The following CS variants were observed in gnomAD, a reference collection of about 807,000 sequenced individuals.
The protein encoded by CS is citrate synthase, mitochondrial.
In CS, 13 loss-of-function variants were observed where a neutral mutation model predicts 61.4. The observed-to-expected ratio is 0.21, with a 90% CI of 0.14 to 0.34. The LOEUF (loss-of-function observed/expected upper bound fraction) is 0.34, where lower values mean the gene tolerates loss of function less well. Ranked by LOEUF, CS falls within the 10% of genes least tolerant of loss-of-function variation. The pLI, the probability that CS is intolerant of heterozygous loss-of-function variation, is 1.00. For missense variants in CS, 278 were observed against 573.4 expected (o/e 0.48, Z 5.26); for synonymous variants, 159 against 215.2 (o/e 0.74, Z 2.29).
At chr12:56,288,115 C>G (rs2135920614) in intron 1 of CS, among the ~76,000 whole-genome samples, 1 of 152,252 alleles carries the variant, frequency 6.6e-6, no homozygotes, top group Non-Finnish European at 1.5e-5. Flanking sequence ...CTAATACTCA[C>G]CACACACCTC....
rs769337614 is a variant in CS at position 56,274,996 on chromosome 12, T to A, written c.918+6A>T. ...TGTAGCAGGAAAATAAAAAGAATAGTCTTACCTGATTTGCCAGTCCATGGA... is the reference window on the plus strand; with the variant it reads ...TGTAGCAGGAAAATAAAAAGAATAGACTTACCTGATTTGCCAGTCCATGGA... On this transcript the variant is annotated splice_donor_region_variant and intron_variant, in intron 8 of 10. Coordinates refer to ENST00000351328, the MANE Select transcript of CS (RefSeq NM_004077.3). 1 of 1,614,108 alleles carries A rather than the reference T, an allele frequency of 6.2e-7. No individual in the cohort carries two copies. The highest frequency in any genetic ancestry group is 2.2e-5 in the East Asian group (1 of 44,888).
At chr12:56,300,084 A>G in intron 1 of CS, 76 bp downstream of exon 1, 1 of 1,445,918 alleles carries the variant, frequency 6.9e-7, no homozygotes, top group Admixed American at 2.2e-5. Context: ...TGTGGGAGGG[A>G]GACCCCGGCG....
intron 10 of CS, 142 bp from the exon 11 acceptor site, chr12:56,273,396 T>C (rs1442432261): frequency 3.0e-6 from 3 of 1,005,988 alleles, no homozygotes; most frequent in African/African-American, 1.6e-5. Flanking sequence ...GAAATGACAC[T>C]GAGAAAAGTA....
rs762542103 is a variant in CS at position 56,282,903 on chromosome 12, A to G, written c.356T>C (p.Leu119Ser). The G allele has an allele frequency of 6.2e-7, 1 of 1,614,146 alleles. No homozygotes were observed. Among genetic ancestry groups the G allele is most frequent in the East Asian group, 2.2e-5 (1 of 44,880 alleles). ...ATGTCCAGTTACCAGCAGCCAAAAT[A>G]AGCCCTCAGGCAGGGGTTCTTCCCC... ...KGGEEPLPEG[L>S]FWLLVTGHIP... is the part of the protein sequence containing the mutation. The change falls in exon 5 of 11, where the codon TTA becomes TCA. Residue 119 changes from leucine (L) to serine (S), a missense_variant. By Grantham distance (145) the Leu-to-Ser change is moderately radical (BLOSUM62 -2). Around this residue, in one of 2 missense-constraint regions of CS, gnomAD observed 223 missense variants for 503.5 expected, o/e 0.44. Coordinates refer to ENST00000351328, the MANE Select transcript of CS (RefSeq NM_004077.3).
At chr12:56,283,743 A>G in intron 4 of CS, 49 bp downstream of exon 4, 1 of 1,433,354 alleles carries the variant, frequency 7.0e-7, no homozygotes, top group Non-Finnish European at 9.8e-7. Context: ...CGGTTTGCGT[A>G]TTTGCACAAA....
chr12:56,283,143 A>C, intron 4 of CS, 152 bp from the exon 5 acceptor site: 1 of 865,034 alleles, frequency 1.2e-6, no homozygotes, highest in Non-Finnish European at 1.8e-6. Flanking sequence ...TGTTGCTCAG[A>C]CTGGTCCCGA....
At position 56,276,265 on chromosome 12, in the gene CS, C is replaced by T. The variant is rs767489055; in HGVS notation, c.589-70G>A. 3.8e-4 allele frequency: 562 copies of T among 1,460,416 alleles called. 1 individual carries two copies. The highest frequency in any genetic ancestry group is 5.0e-4 in the Non-Finnish European group (524 of 1,050,742). 90.5% of individuals were successfully genotyped at this position (1,460,416 alleles called of 1,614,324 possible). A position where few individuals can be genotyped will look rare whatever the true frequency, so the allele number is the denominator to read the frequency against. ...GCAAAGAAGAATTAGGCAGGGATAT[C>T]GTCTGTCCTCCATGAATTGGGGCTA... On this transcript the variant is annotated intron_variant, in intron 6 of 10. Transcript: ENST00000351328.
chr12:56,279,772 A>AT (rs1872719769), intron 6 of CS, among the ~76,000 whole-genome samples: 1 of 127,960 alleles, frequency 7.8e-6, no homozygotes, highest in South Asian at 2.5e-4. Context: ...TCTCAAAAAA[A>AT]AAACCAAAAA....
intron 3 of CS, among the ~76,000 whole-genome samples, chr12:56,284,705 C>T (rs1453109378): frequency 1.7e-4 from 23 of 136,628 alleles, no homozygotes; most frequent in African/African-American, 6.4e-4. Context: ...ATCGAGACAT[C>T]CTGGCCAACA....
At chr12:56,273,870 G>T in intron 9 of CS, 74 bp from the exon 10 acceptor site, 2 of 1,327,620 alleles carry the variant, frequency 1.5e-6, no homozygotes, top group Non-Finnish European at 2.2e-6. Context: ...ATCTCACTCT[G>T]TCACCCAGGC....
Position 56,300,294 on chromosome 12 carries a change from C to G in CS, c.-93G>C, listed in dbSNP as rs928256684. 5 of 1,360,918 alleles carry G rather than the reference C, an allele frequency of 3.7e-6. No homozygotes were observed. Among genetic ancestry groups the G allele is most frequent in the Admixed American group, 4.6e-5 (2 of 43,332 alleles). 84.3% of individuals were successfully genotyped at this position (1,360,918 alleles called of 1,614,324 possible). On this transcript the variant is annotated 5_prime_UTR_variant, in exon 1 of 11. Coordinates refer to ENST00000351328, the MANE Select transcript of CS (RefSeq NM_004077.3). ...GCCGCCGCTGCACCAGAGGCCGCGC[C>G]GACGGGTTGACAAGGTTGAAAGGAG... is the stretch of plus-strand genomic sequence containing the variant.
chr12:56,276,822 G>A (rs969424073), intron 6 of CS, among the ~76,000 whole-genome samples: 1 of 152,168 alleles, frequency 6.6e-6, no homozygotes, highest in Non-Finnish European at 1.5e-5. Context: ...GATTATAGGT[G>A]TGAGCCACCA....
chr12:56,300,324 C>T lies in CS; in HGVS notation c.-123G>A. The T allele has an allele frequency of 3.6e-6, 4 of 1,115,702 alleles. No homozygotes were observed. Among genetic ancestry groups the T allele is most frequent in the Non-Finnish European group, 5.1e-6 (4 of 784,888 alleles). The allele number at this position is 1,115,702 out of a possible 1,614,324, so 69.1% of individuals were successfully genotyped here. A position where few individuals can be genotyped will look rare whatever the true frequency, so the allele number is the denominator to read the frequency against. ...GGTTGACAAGGTTGAAAGGAGGCGG[C>T]TGAAGGAAAGAGTAGACGAACCGGC... On this transcript the variant is annotated 5_prime_UTR_variant, in exon 1 of 11. Coordinates refer to ENST00000351328, the MANE Select transcript of CS (RefSeq NM_004077.3).
At position 56,272,619 on chromosome 12, in the gene CS, C is replaced by T. The variant is rs971645936; in HGVS notation, c.*465G>A. Reference sequence around the variant, plus strand: ...GGTGTTTGTGTGCATGGGAGAGGGCCAAGGGGCTTGGTACAGCTGACTATC... The same window carrying T: ...GGTGTTTGTGTGCATGGGAGAGGGCTAAGGGGCTTGGTACAGCTGACTATC... On this transcript the variant is annotated 3_prime_UTR_variant, in exon 11 of 11. Coordinates refer to ENST00000351328, the MANE Select transcript of CS (RefSeq NM_004077.3). The T allele has an allele frequency of 6.5e-6, 1 of 154,214 alleles. No homozygotes were observed. The highest frequency in any genetic ancestry group is 1.9e-4 in the East Asian group (1 of 5,224). The allele number at this position is 154,214 out of a possible 1,614,324, so 9.6% of individuals were successfully genotyped here.
At chr12:56,276,834 G>C (rs569414910) in intron 6 of CS, among the ~76,000 whole-genome samples, 1 of 152,260 alleles carries the variant, frequency 6.6e-6, no homozygotes, top group African/African-American at 2.4e-5. Context: ...GAGCCACCAT[G>C]CCTGGCCCTC....
chr12:56,292,519 C>T (rs1188571141), intron 1 of CS, among the ~76,000 whole-genome samples: 5 of 151,736 alleles, frequency 3.3e-5, no homozygotes, highest in Admixed American at 2.6e-4. Flanking sequence ...GTATAAATGA[C>T]CCTGTCTCCT....
At chr12:56,289,129 T>C (rs373323190) in intron 1 of CS, among the ~76,000 whole-genome samples, 8 of 152,314 alleles carry the variant, frequency 5.3e-5, no homozygotes, top group African/African-American at 1.7e-4. Flanking sequence ...TGAGGATCAC[T>C]TGAGCAAGAA....
rs1479112313 is a variant in CS, at chr12:56,272,270, T to C, written c.*814A>G. ...GGTAGTGGCTTGTATTCTGTGGAAGTAAAAAACTTAGTTCACATTAAGCAC... is the reference window on the plus strand; with the variant it reads ...GGTAGTGGCTTGTATTCTGTGGAAGCAAAAAACTTAGTTCACATTAAGCAC... On this transcript the variant is annotated 3_prime_UTR_variant, in exon 11 of 11. Coordinates refer to ENST00000351328, the MANE Select transcript of CS (RefSeq NM_004077.3). The C allele has an allele frequency of 4.9e-5, 9 of 185,172 alleles. No individual in the cohort carries two copies. The highest frequency in any genetic ancestry group is 2.1e-4 in the African/African-American group (9 of 41,914). 11.5% of individuals were successfully genotyped at this position (185,172 alleles called of 1,614,324 possible). A position where few individuals can be genotyped will look rare whatever the true frequency, so the allele number is the denominator to read the frequency against.
chr12:56,275,186 A>G, intron 7 of CS, 55 bp from the exon 8 acceptor site: 18 of 1,610,422 alleles, frequency 1.1e-5, no homozygotes, highest in Non-Finnish European at 1.3e-5. Flanking sequence ...CAGATTATGG[A>G]AACTTTGCTG....
Sources: allele counts gnomAD v4.1 joint callset (sites outside exome capture counted in the v4.1 genomes callset), GRCh38; gene constraint gnomAD v4.1.1; regional missense constraint gnomAD v4.1.1; transcripts MANE v1.5; gene names NCBI Gene and HGNC (gene_info 2026-07-23, HGNC 2026-07-21).